Variants in VTI1A observed in about 807,000 individuals in gnomAD.
The protein encoded by VTI1A is vesicle transport through interaction with t-SNAREs 1A, also known as vesicle transport through interaction with t-SNAREs homolog 1A.
A neutral mutation model predicts 34.9 loss-of-function variants in VTI1A; 22 were observed. The observed-to-expected ratio is 0.63, with a 90% confidence interval of 0.45 to 0.90. The LOEUF is 0.90. Ranked by LOEUF, VTI1A falls within the 40% of genes least tolerant of loss-of-function variation. The pLI, the probability that VTI1A is intolerant of heterozygous loss-of-function variation, is 0.00. For synonymous variants in VTI1A, 87 were observed against 97.3 expected (o/e 0.89, Z 0.62); for missense variants, 268 against 275.6 (o/e 0.97, Z 0.20).
intron 5 of VTI1A, among the ~76,000 whole-genome samples, chr10:112,557,266 T>A (rs1851571736): frequency 6.6e-6 from 1 of 152,176 alleles, no homozygotes; most frequent in Admixed American, 6.5e-5. Flanking sequence ...ATTCCAGAAA[T>A]TTTTAAAAAT....
In VTI1A at chr10:112,567,769, G is replaced by A. The variant is rs138970067; in HGVS notation, c.427+29439G>A. Among the ~76,000 whole-genome samples the A allele has an allele frequency of 2.6e-5, 4 of 152,200 alleles. No homozygotes were observed. In the East Asian group the frequency reaches 5.8e-4, roughly 22 times the overall value. ...CTATATTGGTGACCTGTTCAAATTC[G>A]AGAGTCACCACTGATTTATATCACA... On this transcript the variant is annotated intron_variant, in intron 5 of 7. Transcript: ENST00000393077.
In VTI1A at chr10:112,815,385, G is replaced by C. The variant is rs375910494; in HGVS notation, c.*2G>C. 7 of 1,611,484 alleles carry C rather than the reference G, an allele frequency of 4.3e-6. No homozygotes were observed. The highest frequency in any genetic ancestry group is 5.9e-6 in the Non-Finnish European group (7 of 1,177,650). On this transcript the variant is annotated 3_prime_UTR_variant, in exon 8 of 8. Transcript: ENST00000393077. ...ACTTTTTCTGTCAGAAGACACTGATGTATCTGCTCTCCCTTGATAAACAGC... is the reference window on the plus strand; with the variant it reads ...ACTTTTTCTGTCAGAAGACACTGATCTATCTGCTCTCCCTTGATAAACAGC...
At chr10:112,651,234 T>C (rs1847004443) in intron 5 of VTI1A, among the ~76,000 whole-genome samples, 1 of 152,220 alleles carries the variant, frequency 6.6e-6, no homozygotes, top group African/African-American at 2.4e-5. Flanking sequence ...ATATTTTAAA[T>C]ATGACAAAAT....
At chr10:112,667,962 T>C (rs1847704813) in intron 5 of VTI1A, among the ~76,000 whole-genome samples, 1 of 152,178 alleles carries the variant, frequency 6.6e-6, no homozygotes, top group African/African-American at 2.4e-5. Flanking sequence ...TGGAGTGGCC[T>C]GGACAAGACA....
chr10:112,784,507 C>G (rs1284897078), intron 7 of VTI1A, among the ~76,000 whole-genome samples: 1 of 152,138 alleles, frequency 6.6e-6, no homozygotes, highest in East Asian at 1.9e-4. Flanking sequence ...TGTTGACAAA[C>G]TCATTTGGAG....
intron 7 of VTI1A, among the ~76,000 whole-genome samples, chr10:112,698,297 A>G (rs1848867973): frequency 6.6e-6 from 1 of 152,182 alleles, no homozygotes; most frequent in Admixed American, 6.5e-5. Context: ...ATGTCACTGC[A>G]TCTTCCGAAC....
intron 7 of VTI1A, among the ~76,000 whole-genome samples, chr10:112,693,291 A>G (rs1848667429): frequency 6.6e-6 from 1 of 152,230 alleles, no homozygotes; most frequent in Non-Finnish European, 1.5e-5. Context: ...TCATGTCTGT[A>G]ATCCCAGCAC....
intron 5 of VTI1A, among the ~76,000 whole-genome samples, chr10:112,539,757 C>G (rs1467842254): frequency 6.6e-6 from 1 of 151,928 alleles, no homozygotes; most frequent in Non-Finnish European, 1.5e-5. Flanking sequence ...TCCAAACATT[C>G]TTAAGAAAAA....
chr10:112,563,480 A>G (rs560741978), intron 5 of VTI1A, among the ~76,000 whole-genome samples: 8 of 152,330 alleles, frequency 5.3e-5, no homozygotes, highest in Middle Eastern at 6.8e-3. Context: ...ATACTTGGCA[A>G]TAGACCAAAT....
At chr10:112,852,145 T>A in the VTI1A span, among the ~76,000 whole-genome samples, 19 of 152,352 alleles carry the variant, frequency 1.2e-4, no homozygotes, top group Admixed American at 1.3e-4. Context: ...TCACAATTTT[T>A]AAGTTAATAC....
chr10:112,520,224 C>T (rs1849964732), intron 3 of VTI1A, among the ~76,000 whole-genome samples: 1 of 151,996 alleles, frequency 6.6e-6, no homozygotes. Context: ...CTGACAACAA[C>T]ATCTGGGCAT....
the VTI1A span, among the ~76,000 whole-genome samples, chr10:112,836,390 C>G: frequency 6.6e-6 from 1 of 152,196 alleles, no homozygotes; most frequent in Non-Finnish European, 1.5e-5. Context: ...GGGGAAGTGA[C>G]CTGCCCGAGG....
At chr10:112,481,811 G>A (rs12269496) in intron 3 of VTI1A, among the ~76,000 whole-genome samples, 32,236 of 152,106 alleles carry the variant, frequency 0.21, 4,865 homozygotes, top group African/African-American at 0.43. Flanking sequence ...TGAGCCGAGT[G>A]AATTTGGAAC....
At chr10:112,613,862 A>G (rs1845410914) in intron 5 of VTI1A, among the ~76,000 whole-genome samples, 1 of 152,194 alleles carries the variant, frequency 6.6e-6, no homozygotes, top group African/African-American at 2.4e-5. Context: ...GATACTGTAC[A>G]TGCGAGTCTG....
chr10:112,615,072 A>T (rs1175493304), intron 5 of VTI1A, among the ~76,000 whole-genome samples: 2 of 152,234 alleles, frequency 1.3e-5, no homozygotes, highest in African/African-American at 4.8e-5. Context: ...TAGCTGAAAA[A>T]AAACCTAAAA....
intron 5 of VTI1A, among the ~76,000 whole-genome samples, chr10:112,549,823 C>T (rs1156378594): frequency 1.3e-5 from 2 of 152,110 alleles, no homozygotes; most frequent in Admixed American, 6.5e-5. Context: ...ATTTACCTTA[C>T]AGTTACAAGC....
chr10:112,555,945 G>T (rs942213882), intron 5 of VTI1A, among the ~76,000 whole-genome samples: 2 of 151,892 alleles, frequency 1.3e-5, no homozygotes, highest in African/African-American at 4.8e-5. Flanking sequence ...ATATTTAATT[G>T]TACTTGATTT....
chr10:112,529,657 A>G (rs971975860), intron 4 of VTI1A, among the ~76,000 whole-genome samples: 6 of 152,222 alleles, frequency 3.9e-5, no homozygotes, highest in African/African-American at 9.6e-5. Flanking sequence ...AATACTAACT[A>G]TATAAATGGA....
At chr10:112,835,490 C>A in the VTI1A span, among the ~76,000 whole-genome samples, 1 of 152,172 alleles carries the variant, frequency 6.6e-6, no homozygotes, top group Non-Finnish European at 1.5e-5. Context: ...TTGGAGGGCC[C>A]GCATACTGCA....
Sources: allele counts gnomAD v4.1 joint callset (sites outside exome capture counted in the v4.1 genomes callset), GRCh38; gene constraint gnomAD v4.1.1; transcripts MANE v1.5; gene names NCBI Gene and HGNC (gene_info 2026-07-23, HGNC 2026-07-21).